Variants in ACSM3 observed in about 807,000 individuals in gnomAD.
ACSM3 encodes acyl-CoA synthetase medium chain family member 3.
ACSM3 carries 61 observed loss-of-function variants against 74.1 expected under a neutral mutation model. The observed-to-expected ratio is 0.82, with a 90% CI of 0.67 to 1.02. The LOEUF (loss-of-function observed/expected upper bound fraction) is 1.02, where lower values mean the gene tolerates loss of function less well. ACSM3 is among the 50% of genes least tolerant of loss of function. The pLI is 0.00. For missense variants in ACSM3, 660 were observed against 697.0 expected, an observed-to-expected ratio of 0.95 and a Z score of 0.60; for synonymous variants, 213 against 241.5, an observed-to-expected ratio of 0.88 and a Z score of 1.09.
chr16:20,691,015 G>C, intron 1 of ACSM3: 1 of 1,611,974 alleles, frequency 6.2e-7, no homozygotes, highest in Non-Finnish European at 8.5e-7. Context: ...TTTGAGCCCA[G>C]TAGTCCAGTA....
At chr16:20,738,827 C>G in intron 1 of ACSM3, 1 of 1,541,770 alleles carries the variant, frequency 6.5e-7, no homozygotes, top group Non-Finnish European at 8.8e-7. Context: ...ATTTTGTAAG[C>G]AGTATTCCCT....
At chr16:20,791,045 G>C in intron 10 of ACSM3, 1 of 1,071,550 alleles carries the variant, frequency 9.3e-7, no homozygotes, top group Non-Finnish European at 1.4e-6. Flanking sequence ...GAGTGAGAGG[G>C]ACAGGGGATG....
intron 1 of ACSM3, among the ~76,000 whole-genome samples, chr16:20,684,879 G>T (rs1411886528): frequency 6.6e-6 from 1 of 152,170 alleles, no homozygotes; most frequent in Non-Finnish European, 1.5e-5. Context: ...ATGAGACAAA[G>T]TTTGGCACTG....
chr16:20,715,152 A>T lies in ACSM3; in HGVS notation c.-189-34758A>T, dbSNP rs184503054. ...GCAAGGTATCAGATTCTGTGAAGAA[A>T]TCCCCCTCTCTCTAGCCCAACACAT... On this transcript the variant is annotated intron_variant, in intron 1 of 3. Coordinates refer to the ACSM3 transcript ENST00000561584. 7.2e-4 allele frequency among the ~76,000 whole-genome samples: 110 copies of T among 152,282 alleles called. 3 individuals are homozygous for T. The highest frequency in any genetic ancestry group is 5.9e-5 in the Non-Finnish European group (4 of 68,012).
chr16:20,704,726 G>A (rs543357922), intron 1 of ACSM3, among the ~76,000 whole-genome samples: 2 of 152,272 alleles, frequency 1.3e-5, no homozygotes, highest in South Asian at 2.1e-4. Context: ...TAAAAGTATA[G>A]CCAAGTTATA....
At chr16:20,709,567 C>T (rs969368099) in intron 1 of ACSM3, among the ~76,000 whole-genome samples, 1 of 152,126 alleles carries the variant, frequency 6.6e-6, no homozygotes, top group Admixed American at 6.5e-5. Flanking sequence ...AAATATACCA[C>T]GGATACTAAT....
At chr16:20,676,640 G>A (rs1052200503) in intron 1 of ACSM3, among the ~76,000 whole-genome samples, 1 of 152,144 alleles carries the variant, frequency 6.6e-6, no homozygotes, top group Non-Finnish European at 1.5e-5. Context: ...CTTAACAAAG[G>A]CTAATTTACT....
intron 7 of ACSM3, 122 bp from the exon 8 acceptor site, chr16:20,784,862 C>A: frequency 9.6e-7 from 1 of 1,042,518 alleles, no homozygotes; most frequent in Admixed American, 2.8e-5. Context: ...TTGTTTTGTG[C>A]TAGGGAGAGG....
intron 1 of ACSM3, among the ~76,000 whole-genome samples, chr16:20,698,004 C>T (rs945955794): frequency 5.3e-5 from 8 of 152,004 alleles, no homozygotes; most frequent in African/African-American, 1.9e-4. Context: ...ACCATCCTGG[C>T]TAACACGGTG....
chr16:20,753,915 G>GA (rs888278154), intron 2 of ACSM3, among the ~76,000 whole-genome samples: 24 of 150,482 alleles, frequency 1.6e-4, no homozygotes, highest in African/African-American at 4.4e-4. Context: ...ATGAAAGAAA[G>GA]AAAAAAAAGA....
chr16:20,737,358 GTC>G (rs1488177050), intron 1 of ACSM3: 18 of 1,470,868 alleles, frequency 1.2e-5, no homozygotes, highest in Non-Finnish European at 1.6e-5. Flanking sequence ...AAAATCTTTT[GTC>G]TCTGTTTCTT....
chr16:20,711,541 A>G, intron 1 of ACSM3: 2 of 1,425,724 alleles, frequency 1.4e-6, no homozygotes, highest in Non-Finnish European at 1.9e-6. Flanking sequence ...GCAAGCATCC[A>G]AGGCCAAGTG....
intron 1 of ACSM3, among the ~76,000 whole-genome samples, chr16:20,693,643 G>A (rs770328293): frequency 6.6e-6 from 1 of 152,210 alleles, no homozygotes; most frequent in Non-Finnish European, 1.5e-5. Context: ...GGCTGGAGCT[G>A]AGAATTGTCT....
At chr16:20,745,630 G>C (rs2079954739) in intron 1 of ACSM3, among the ~76,000 whole-genome samples, 1 of 152,100 alleles carries the variant, frequency 6.6e-6, no homozygotes, top group African/African-American at 2.4e-5. Context: ...TTGGCACCTT[G>C]TGGCACCATC....
At chr16:20,729,590 A>G in intron 1 of ACSM3, 1 of 345,240 alleles carries the variant, frequency 2.9e-6, no homozygotes, top group Non-Finnish European at 5.6e-6. Context: ...GCAACTTTAT[A>G]TTTTTGAGTT....
At chr16:20,711,690 T>G (rs2079744591) in intron 1 of ACSM3, 2 of 542,230 alleles carry the variant, frequency 3.7e-6, no homozygotes, top group Admixed American at 5.4e-5. Flanking sequence ...AGTGAGTATT[T>G]TTCCCAGCCA....
intron 12 of ACSM3, 29 bp from the exon 13 acceptor site, chr16:20,796,341 T>C: frequency 6.2e-7 from 1 of 1,600,382 alleles, no homozygotes; most frequent in East Asian, 2.2e-5. Context: ...CATAACTCAT[T>C]TTCCTGGTGT....
chr16:20,734,382 C>A lies in ACSM3; in HGVS notation c.-189-15528C>A, dbSNP rs1394834804. The A allele has an allele frequency of 3.3e-5, 5 of 152,586 alleles. No individual in the cohort carries two copies. In the East Asian group the frequency reaches 9.6e-4, roughly 29 times the overall value. The allele number at this position is 152,586 out of a possible 1,614,324, so 9.5% of individuals were successfully genotyped here. A position where few individuals can be genotyped will look rare whatever the true frequency, so the allele number is the denominator to read the frequency against. ...CTTATCAATCATTGCAAGGTAACTTCAATGTCATTAAGTATTAACATTCTA... is the reference window on the plus strand; with the variant it reads ...CTTATCAATCATTGCAAGGTAACTTAAATGTCATTAAGTATTAACATTCTA... On this transcript the variant is annotated intron_variant, in intron 1 of 3. Coordinates refer to the ACSM3 transcript ENST00000561584.
At chr16:20,726,730 C>T (rs1394412323) in intron 1 of ACSM3, among the ~76,000 whole-genome samples, 2 of 152,328 alleles carry the variant, frequency 1.3e-5, no homozygotes, top group East Asian at 3.9e-4. Flanking sequence ...GATATCCTTA[C>T]TAAGCCTCCA....
Sources: gnomAD v4.1 joint callset for allele counts (sites outside exome capture counted in the v4.1 genomes callset) on GRCh38, gnomAD v4.1.1 for gene constraint, MANE v1.5 for transcripts, NCBI Gene and HGNC (gene_info 2026-07-23, HGNC 2026-07-21) for gene names.